Variants in EFCAB6 observed in about 807,000 individuals in gnomAD.
EFCAB6 encodes EF-hand calcium-binding domain-containing protein 6.
A neutral mutation model predicts 169.8 loss-of-function variants in EFCAB6; 156 were observed. The observed-to-expected ratio is 0.92, with a 90% CI of 0.81 to 1.05. The LOEUF (loss-of-function observed/expected upper bound fraction) is 1.05, where lower values mean the gene tolerates loss of function less well. Ranked by LOEUF, EFCAB6 falls within the 50% of genes least tolerant of loss-of-function variation. EFCAB6 has a pLI of 0.00. For synonymous variants in EFCAB6, 698 were observed against 676.4 expected (o/e 1.03, Z -0.50); for missense variants, 1,800 against 1,829.1 (o/e 0.98, Z 0.29).
chr22:43,732,954 T>C (rs1034026809), intron 7 of EFCAB6, among the ~76,000 whole-genome samples: 2 of 152,358 alleles, frequency 1.3e-5, no homozygotes, highest in East Asian at 1.9e-4. Context: ...TCTATAATTA[T>C]CTAATCTCAT....
chr22:43,607,022 G>A (rs986052246), intron 22 of EFCAB6, among the ~76,000 whole-genome samples: 5 of 152,194 alleles, frequency 3.3e-5, no homozygotes, highest in African/African-American at 1.2e-4. Flanking sequence ...CAGCCATCCT[G>A]TCCCCTGAAC....
At position 43,765,369 on chromosome 22, in the gene EFCAB6, C is replaced by T; in HGVS notation, c.376G>A (p.Val126Ile). 1.2e-6 allele frequency: 2 copies of T among 1,612,398 alleles called. No individual in the cohort carries two copies. Among genetic ancestry groups the T allele is most frequent in the Admixed American group, 1.7e-5 (1 of 59,940 alleles). The change falls in exon 5 of 32, where the codon GTA becomes ATA. Residue 126 changes from valine to isoleucine, a missense_variant. Physicochemically the swap from Val to Ile is conservative, Grantham distance 29 (BLOSUM62 3). Coordinates refer to ENST00000262726, the MANE Select transcript of EFCAB6 (RefSeq NM_022785.4). ...AQIPLSTSGT[V>I]PYLAFLSRFG... ...CTGGACAGAAAGGCAAGGTACGGTA[C>T]AGTACCAGAGGTGCTAAGGGGGATC...
intron 17 of EFCAB6, among the ~76,000 whole-genome samples, chr22:43,641,671 C>T (rs935050596): frequency 4.7e-5 from 7 of 148,958 alleles, no homozygotes; most frequent in Non-Finnish European, 7.5e-5. Flanking sequence ...CCTTGTGAGA[C>T]ACACAAAAGG....
intron 8 of EFCAB6, among the ~76,000 whole-genome samples, chr22:43,729,450 C>A (rs1380169413): frequency 3.9e-5 from 6 of 152,062 alleles, no homozygotes; most frequent in Non-Finnish European, 7.4e-5. Context: ...CAAACCATAT[C>A]ACCCTAGAAC....
chr22:43,564,152 A>G (rs9626102), intron 26 of EFCAB6, among the ~76,000 whole-genome samples: 7,016 of 152,272 alleles, frequency 0.046, 562 homozygotes, highest in African/African-American at 0.16. Context: ...CATGCACTTT[A>G]GGAAGGAGCT....
intron 17 of EFCAB6, among the ~76,000 whole-genome samples, chr22:43,638,047 G>A (rs890201453): frequency 1.3e-5 from 2 of 152,096 alleles, no homozygotes; most frequent in Admixed American, 1.3e-4. Flanking sequence ...TCCAGCGGTC[G>A]CAGGAGCGTA....
chr22:43,614,652 G>T (rs147097601), intron 21 of EFCAB6, among the ~76,000 whole-genome samples: 1 of 152,222 alleles, frequency 6.6e-6, no homozygotes, highest in African/African-American at 2.4e-5. Flanking sequence ...CTCTGAAAGT[G>T]GGCCACACAG....
intron 22 of EFCAB6, among the ~76,000 whole-genome samples, chr22:43,600,865 G>A (rs1025112523): frequency 1.3e-5 from 2 of 152,176 alleles, no homozygotes; most frequent in African/African-American, 4.8e-5. Context: ...GTTTCAACAT[G>A]TTGGCCAAGC....
At chr22:43,565,394 C>A (rs2049359745) in intron 26 of EFCAB6, among the ~76,000 whole-genome samples, 1 of 152,216 alleles carries the variant, frequency 6.6e-6, no homozygotes, top group African/African-American at 2.4e-5. Flanking sequence ...CTGACTGCTA[C>A]AGTTCTGGGT....
At chr22:43,636,831 C>T (rs1232397989) in intron 17 of EFCAB6, among the ~76,000 whole-genome samples, 1 of 151,732 alleles carries the variant, frequency 6.6e-6, no homozygotes, top group Admixed American at 6.6e-5. Context: ...AGGATGGTCT[C>T]GATCTCCTGA....
intron 26 of EFCAB6, among the ~76,000 whole-genome samples, chr22:43,569,117 C>T (rs900043557): frequency 6.6e-6 from 1 of 152,210 alleles, no homozygotes; most frequent in African/African-American, 2.4e-5. Flanking sequence ...CTACTGGGAA[C>T]CGGGGTTGGA....
rs993657421 is a variant in EFCAB6 at position 43,600,851 on chromosome 22, C to T, written c.2682-588G>A. Among the ~76,000 whole-genome samples, 9 of 152,162 alleles carry T rather than the reference C, an allele frequency of 5.9e-5. No homozygotes were observed. The South Asian group carries it at 8.3e-4, about 14-fold the overall frequency. On this transcript the variant is annotated intron_variant, in intron 22 of 31. Coordinates refer to ENST00000262726, the MANE Select transcript of EFCAB6 (RefSeq NM_022785.4). ...CTAATGTTTCTATTTTTAGTAGAGA[C>T]GGGGTTTCAACATGTTGGCCAAGCT...
intron 24 of EFCAB6, among the ~76,000 whole-genome samples, chr22:43,582,263 G>A (rs2147321840): frequency 6.6e-6 from 1 of 152,110 alleles, no homozygotes; most frequent in East Asian, 1.9e-4. Flanking sequence ...AATAGATTCA[G>A]TGAAAAGAGA....
intron 22 of EFCAB6, among the ~76,000 whole-genome samples, chr22:43,603,534 C>G (rs77804145): frequency 6.6e-6 from 1 of 152,274 alleles, no homozygotes; most frequent in African/African-American, 2.4e-5. Context: ...CAGCTATACA[C>G]ATAATTTGAG....
In EFCAB6 at chr22:43,731,737, T is replaced by C. The variant is rs1372663235; in HGVS notation, c.719A>G (p.Asn240Ser). Residue 240 changes from asparagine to serine, a missense_variant, in exon 8 of 32, where the codon AAT (asparagine) becomes AGT (serine). By Grantham distance (46) the Asn-to-Ser change is conservative. Coordinates refer to ENST00000262726, the MANE Select transcript of EFCAB6 (RefSeq NM_022785.4). ...YNVFLKNLSI[N>S]NDLNLRYCMG... ...ACAATATCTAAGGTTCAAGTCGTTA[T>C]TTATGCTGAGATTCTTCAAAAACAC... is the stretch of plus-strand genomic sequence containing the variant. 2 of 1,603,318 alleles carry C rather than the reference T, an allele frequency of 1.2e-6. No homozygotes were observed. The highest frequency in any genetic ancestry group is 2.3e-5 in the East Asian group (1 of 44,442).
At chr22:43,635,353 CA>C in intron 17 of EFCAB6, 137 bp from the exon 18 acceptor site, 1 of 674,040 alleles carries the variant, frequency 1.5e-6, no homozygotes. Flanking sequence ...CACAGGCTGC[CA>C]GGGGGTGGGA....
chr22:43,777,335 C>G (rs2061673020), intron 3 of EFCAB6, among the ~76,000 whole-genome samples: 1 of 152,196 alleles, frequency 6.6e-6, no homozygotes, highest in East Asian at 1.9e-4. Flanking sequence ...GAGGATGGAG[C>G]TATCATTTTG....
chr22:43,734,595 G>A (rs2060067048), intron 7 of EFCAB6, among the ~76,000 whole-genome samples: 2 of 152,148 alleles, frequency 1.3e-5, no homozygotes, highest in Admixed American at 1.3e-4. Context: ...GAAGAGTGCT[G>A]CCTCTGTTCT....
chr22:43,800,404 T>C (rs1311052697), intron 2 of EFCAB6, among the ~76,000 whole-genome samples: 2 of 152,204 alleles, frequency 1.3e-5, no homozygotes, highest in African/African-American at 2.4e-5. Flanking sequence ...ATAACTTCGA[T>C]GCAAAAACAT....
Sources: allele counts gnomAD v4.1 joint callset (sites outside exome capture counted in the v4.1 genomes callset), GRCh38; gene constraint gnomAD v4.1.1; transcripts MANE v1.5; gene names NCBI Gene and HGNC (gene_info 2026-07-23, HGNC 2026-07-21).